SDHB: variants seen among roughly 807,000 people sequenced by gnomAD.
The protein encoded by SDHB is succinate dehydrogenase [ubiquinone] iron-sulfur subunit, mitochondrial.
A neutral mutation model predicts 39.7 loss-of-function variants in SDHB; 21 were observed. The ratio of observed to expected loss-of-function variants is 0.53; its 90% confidence interval spans 0.37 to 0.76. The LOEUF (loss-of-function observed/expected upper bound fraction) is 0.76. SDHB is among the 30% of genes least tolerant of loss of function. SDHB has a pLI of 0.00. For missense variants in SDHB, 343 were observed against 350.9 expected (o/e 0.98, Z 0.18); for synonymous variants, 118 against 117.0 (o/e 1.01, Z -0.06).
At position 17,040,839 on chromosome 1, in the gene SDHB, G is replaced by C. The variant is rs946969612; in HGVS notation, c.200+3922C>G. Among the ~76,000 whole-genome samples the C allele has an allele frequency of 1.3e-4, 19 of 151,098 alleles. 1 individual carries two copies. Among genetic ancestry groups the C allele is most frequent in the Non-Finnish European group, 1.9e-4 (13 of 67,806 alleles). Reference sequence around the variant, plus strand: ...AAAATCTTTCTTTTTCTTAAGAACAGATAATTTCGGCCGGGCATGGTGGCT... The same window carrying C: ...AAAATCTTTCTTTTTCTTAAGAACACATAATTTCGGCCGGGCATGGTGGCT... On this transcript the variant is annotated intron_variant, in intron 2 of 7. Transcript: ENST00000375499.
intron 2 of SDHB, among the ~76,000 whole-genome samples, chr1:17,043,772 G>C (rs912041447): frequency 2.6e-5 from 4 of 152,224 alleles, no homozygotes; most frequent in Non-Finnish European, 5.9e-5. Context: ...AAGAGCCAAG[G>C]AGTGCGGCAG....
chr1:17,029,122 T>TTTTTA (rs2078009463), intron 3 of SDHB, among the ~76,000 whole-genome samples: 2 of 137,226 alleles, frequency 1.5e-5, no homozygotes, highest in South Asian at 2.3e-4. Context: ...TTTTTTTTTT[T>TTTTTA]AAAGAAAGGG....
intron 5 of SDHB, 52 bp downstream of exon 5, chr1:17,027,697 T>C (rs2077998929): frequency 1.8e-6 from 2 of 1,106,818 alleles, no homozygotes; most frequent in South Asian, 2.5e-5. Flanking sequence ...CTCCTGGCAA[T>C]CATCTTTGCA....
chr1:17,039,547 C>G (rs2078068438), intron 2 of SDHB, among the ~76,000 whole-genome samples: 1 of 151,816 alleles, frequency 6.6e-6, no homozygotes, highest in Non-Finnish European at 1.5e-5. Context: ...CTTGGTTGAG[C>G]CTGGGAGGGT....
At chr1:17,036,108 A>G (rs917898067) in intron 2 of SDHB, among the ~76,000 whole-genome samples, 1 of 152,132 alleles carries the variant, frequency 6.6e-6, no homozygotes, top group Non-Finnish European at 1.5e-5. Flanking sequence ...GATTTTTAGA[A>G]TCAACTTGTC....
At chr1:17,027,573 C>A (rs1015310093) in intron 5 of SDHB, 176 bp downstream of exon 5, 29 of 640,602 alleles carry the variant, frequency 4.5e-5, no homozygotes, top group Non-Finnish European at 8.3e-5. Flanking sequence ...GGGCCATTCA[C>A]GGGTTCACAC....
chr1:17,019,826 T>C (rs974022950), intron 7 of SDHB, among the ~76,000 whole-genome samples: 2 of 152,184 alleles, frequency 1.3e-5, no homozygotes. Flanking sequence ...CTGGAACACC[T>C]GGCTCAAGTG....
At chr1:17,052,453 G>A (rs1467083036) in intron 1 of SDHB, 1 of 152,148 alleles carries the variant, frequency 6.6e-6, no homozygotes, top group Non-Finnish European at 1.5e-5. Context: ...AGGAGGCCCT[G>A]CAAAGACCTT....
chr1:17,022,659 G>T lies in SDHB; in HGVS notation c.714C>A (p.Phe238Leu), dbSNP rs1553177278. The change falls in exon 7 of 8, where the codon TTC becomes TTA. Residue 238 changes from phenylalanine to leucine, a missense_variant. Coordinates refer to ENST00000375499, the MANE Select transcript of SDHB (RefSeq NM_003000.3). ...TGATGGTGTGGCAGCGGTATAGAGA[G>T]AATGGGTCCTGCAGCTTGGCCAGGC... is the stretch of plus-strand genomic sequence containing the variant. ...EERLAKLQDP[F>L]SLYRCHTIMN... 1 of 1,614,118 alleles carries T rather than the reference G, an allele frequency of 6.2e-7. No homozygotes were observed. Among genetic ancestry groups the T allele is most frequent in the East Asian group, 2.2e-5 (1 of 44,880 alleles).
At chr1:17,031,152 A>G (rs2078021073) in intron 3 of SDHB, among the ~76,000 whole-genome samples, 1 of 152,126 alleles carries the variant, frequency 6.6e-6, no homozygotes, top group Admixed American at 6.6e-5. Context: ...AATCTTAGAA[A>G]GAGTGTAAGG....
At chr1:17,030,844 G>A (rs1487153985) in intron 3 of SDHB, among the ~76,000 whole-genome samples, 1 of 151,930 alleles carries the variant, frequency 6.6e-6, no homozygotes, top group Non-Finnish European at 1.5e-5. Flanking sequence ...ACCACACCTG[G>A]CTAATTTTTG....
chr1:17,045,707 CTAAT>C (rs1019987261), intron 1 of SDHB, among the ~76,000 whole-genome samples: 1 of 152,106 alleles, frequency 6.6e-6, no homozygotes, highest in Admixed American at 6.6e-5. Flanking sequence ...GGTTAATTGA[CTAAT>C]TACAAAAAGA....
chr1:17,041,044 C>T (rs1437254939), intron 2 of SDHB, among the ~76,000 whole-genome samples: 7 of 152,114 alleles, frequency 4.6e-5, no homozygotes, highest in African/African-American at 1.4e-4. Flanking sequence ...GTGGGAGAAT[C>T]GCTTGAGCCT....
At chr1:17,021,473 G>A (rs920863101) in intron 7 of SDHB, among the ~76,000 whole-genome samples, 8 of 151,942 alleles carry the variant, frequency 5.3e-5, no homozygotes, top group Admixed American at 2.0e-4. Context: ...GGCCGGTCGC[G>A]GTGGCTCACG....
chr1:17,022,726 T>C lies in SDHB; in HGVS notation c.647A>G (p.Tyr216Cys), dbSNP rs1553177291. ...YLGPAVLMQAYRWMIDSRDDF... is the reference protein window; with the variant it reads ...YLGPAVLMQACRWMIDSRDDF... ...ATCTCTGGAGTCAATCATCCAGCGA[T>C]AGGCCTGGAAAACCAGGGATGATTA... is the stretch of plus-strand genomic sequence containing the variant. The change falls in exon 7 of 8, where the codon TAT (tyrosine) becomes TGT (cysteine). Residue 216 changes from tyrosine (Y) to cysteine (C), a missense_variant. Coordinates refer to ENST00000375499, the MANE Select transcript of SDHB (RefSeq NM_003000.3). 3 of 1,613,460 alleles carry C rather than the reference T, an allele frequency of 1.9e-6. No homozygotes were observed. The highest frequency in any genetic ancestry group is 2.5e-6 in the Non-Finnish European group (3 of 1,179,584).
intron 5 of SDHB, among the ~76,000 whole-genome samples, chr1:17,024,884 A>G (rs2077983229): frequency 6.6e-6 from 1 of 152,238 alleles, no homozygotes; most frequent in African/African-American, 2.4e-5. Flanking sequence ...TTGAGAACAG[A>G]TGAGACAGAA....
intron 1 of SDHB, chr1:17,045,143 T>G: frequency 4.1e-6 from 2 of 484,320 alleles, no homozygotes; most frequent in Admixed American, 6.7e-5. Context: ...GAACTTACTT[T>G]GTAGTGAACA....
intron 6 of SDHB, 96 bp from the exon 7 acceptor site, chr1:17,022,826 AT>A (rs1286906998): frequency 1.4e-6 from 2 of 1,476,304 alleles, no homozygotes; most frequent in East Asian, 4.9e-5. Flanking sequence ...AGGAAAGGGA[AT>A]TCACTCAGCT....
rs1204932232 is a variant in SDHB, at chr1:17,044,855, C to A, written c.106G>T (p.Ala36Ser). 1 of 1,613,932 alleles carries A rather than the reference C, an allele frequency of 6.2e-7. No homozygotes were observed. Reference sequence around the variant, plus strand: ...ATGGCAAATTTCTTGATACGGGGAGCTGTGGCTGCAGCTGTCTGGGCTCCT... The same window carrying A: ...ATGGCAAATTTCTTGATACGGGGAGATGTGGCTGCAGCTGTCTGGGCTCCT... ...SRGAQTAAAT[A>S]PRIKKFAIYR... The change falls in exon 2 of 8, where the codon GCT becomes TCT. Residue 36 changes from alanine (A) to serine (S), a missense_variant. Physicochemically the swap from Ala to Ser is moderately conservative, Grantham distance 99. Transcript: ENST00000375499.
Sources: allele counts gnomAD v4.1 joint callset (sites outside exome capture counted in the v4.1 genomes callset), GRCh38; gene constraint gnomAD v4.1.1; transcripts MANE v1.5; gene names NCBI Gene and HGNC (gene_info 2026-07-23, HGNC 2026-07-21).